Variants in NRXN1 observed in about 807,000 individuals in gnomAD.
NRXN1 encodes neurexin-1.
A neutral mutation model predicts 150.9 loss-of-function variants in NRXN1; 39 were observed. The observed-to-expected ratio is 0.26, with a 90% confidence interval of 0.20 to 0.34. The LOEUF (loss-of-function observed/expected upper bound fraction) is 0.34. Among genes scored for constraint, NRXN1 ranks in the 10% least tolerant of loss-of-function variants. The pLI, the probability that NRXN1 is intolerant of heterozygous loss-of-function variation, is 1.00. For synonymous variants in NRXN1, 924 were observed against 757.0 expected, an observed-to-expected ratio of 1.22 and a Z score of -3.62; for missense variants, 1,815 against 1,949.9, an observed-to-expected ratio of 0.93 and a Z score of 1.30.
rs75350212 is a variant in NRXN1 at position 50,345,478 on chromosome 2, C to T, written c.3365-108508G>A. 6.6e-3 allele frequency among the ~76,000 whole-genome samples: 1,004 copies of T among 152,156 alleles called. 5 individuals are homozygous for T. The highest frequency in any genetic ancestry group is 0.011 in the Non-Finnish European group (721 of 68,024). On this transcript the variant is annotated intron_variant, in intron 17 of 22. Coordinates refer to ENST00000401669, the MANE Select transcript of NRXN1 (RefSeq NM_001330078.2). ...CAAGTCTGAAAGGTGACGGGTCCTG[C>T]AAGAAAGAGGTGGAAAATGGATATA...
intron 5 of NRXN1, among the ~76,000 whole-genome samples, chr2:50,845,653 T>G (rs1418914571): frequency 6.6e-6 from 1 of 152,202 alleles, no homozygotes; most frequent in African/African-American, 2.4e-5. Flanking sequence ...GAGTGGTACC[T>G]GGAATATGGT....
chr2:50,042,653 T>C (rs1691178090), intron 21 of NRXN1, among the ~76,000 whole-genome samples: 1 of 150,936 alleles, frequency 6.6e-6, no homozygotes, highest in Admixed American at 6.7e-5. Context: ...CTAAGTGTCC[T>C]TTTTGTATCA....
intron 15 of NRXN1, among the ~76,000 whole-genome samples, chr2:50,479,707 G>A: frequency 6.7e-6 from 1 of 148,522 alleles, no homozygotes; most frequent in Non-Finnish European, 1.5e-5. Flanking sequence ...CTTTTTACCT[G>A]AGCAATAATG....
Position 50,531,434 on chromosome 2 carries a change from G to T in NRXN1, c.2144-4C>A, listed in dbSNP as rs1340313788. ...TCATAGCTCAAAACCGTTGCCTCTA[G>T]AGATGGAAAATGAATATGATAAGTT... is the stretch of plus-strand genomic sequence containing the variant. On this transcript the variant is annotated splice_region_variant and splice_polypyrimidine_tract_variant and intron_variant, in intron 10 of 22. Transcript: ENST00000401669. 1 of 1,606,496 alleles carries T rather than the reference G, an allele frequency of 6.2e-7. No homozygotes were observed. Among genetic ancestry groups the T allele is most frequent in the African/African-American group, 1.3e-5 (1 of 74,926 alleles).
At chr2:50,385,358 G>C (rs1046820094) in intron 17 of NRXN1, among the ~76,000 whole-genome samples, 1 of 152,176 alleles carries the variant, frequency 6.6e-6, no homozygotes, top group African/African-American at 2.4e-5. Flanking sequence ...TCTCATGTCA[G>C]AGACTAATAG....
chr2:50,214,722 C>G (rs960418359), intron 18 of NRXN1, among the ~76,000 whole-genome samples: 1 of 151,946 alleles, frequency 6.6e-6, no homozygotes, highest in Non-Finnish European at 1.5e-5. Flanking sequence ...ACATATCCTA[C>G]ATTTTATTTT....
chr2:50,865,658 G>GTTTTTTTTTTTTTTTTTTT lies in NRXN1; in HGVS notation c.832+56192_832+56210dup, dbSNP rs71404978. On this transcript the variant is annotated intron_variant, in intron 5 of 22. Coordinates refer to ENST00000401669, the MANE Select transcript of NRXN1 (RefSeq NM_001330078.2). ...AGTAATTCCCAGTAAGCATTTGAAAGTTTTTTTTTTTTTTTTTTTTTTTTT... is the reference window on the plus strand; with the variant it reads ...AGTAATTCCCAGTAAGCATTTGAAAGTTTTTTTTTTTTTTTTTTTTTTTTTTTTTTTTTTTTTTTTTTTT... Among the ~76,000 whole-genome samples the GTTTTTTTTTTTTTTTTTTT allele has an allele frequency of 6.9e-4, 29 of 41,860 alleles. 6 individuals carry two copies. The highest frequency in any genetic ancestry group is 1.2e-3 in the Admixed American group (3 of 2,450). The allele number at this position is 41,860 out of a possible 152,430, so 27.5% of individuals were successfully genotyped here.
chr2:50,217,442 G>C (rs1164227995), intron 18 of NRXN1, among the ~76,000 whole-genome samples: 1 of 151,812 alleles, frequency 6.6e-6, no homozygotes, highest in Non-Finnish European at 1.5e-5. Context: ...AAAAGACAAA[G>C]CTTAAAAAAA....
intron 5 of NRXN1, among the ~76,000 whole-genome samples, chr2:50,635,025 T>A (rs1683021661): frequency 6.6e-6 from 1 of 152,098 alleles, no homozygotes; most frequent in Non-Finnish European, 1.5e-5. Flanking sequence ...GCTGCTCTAA[T>A]CCCCTGGCCC....
At chr2:50,059,086 A>C (rs1694087328) in intron 19 of NRXN1, among the ~76,000 whole-genome samples, 1 of 152,182 alleles carries the variant, frequency 6.6e-6, no homozygotes, top group South Asian at 2.1e-4. Flanking sequence ...CAGTTTGGAG[A>C]GCTCAGACAA....
intron 18 of NRXN1, among the ~76,000 whole-genome samples, chr2:50,097,679 G>T (rs1159339205): frequency 2.1e-5 from 3 of 146,188 alleles, no homozygotes; most frequent in South Asian, 2.2e-4. Context: ...CACTCTTATT[G>T]CCCAGGCTGG....
chr2:50,391,908 A>T (rs924850699), intron 17 of NRXN1, among the ~76,000 whole-genome samples: 1 of 152,166 alleles, frequency 6.6e-6, no homozygotes, highest in African/African-American at 2.4e-5. Flanking sequence ...TTCATTTAGT[A>T]ATCTATGTTT....
At chr2:50,872,617 A>C (rs1677957454) in intron 5 of NRXN1, among the ~76,000 whole-genome samples, 1 of 151,650 alleles carries the variant, frequency 6.6e-6, no homozygotes, top group South Asian at 2.1e-4. Context: ...TAAAATAAAA[A>C]TAAAATAAAA....
At chr2:50,070,629 G>T (rs1696116137) in intron 19 of NRXN1, among the ~76,000 whole-genome samples, 2 of 151,744 alleles carry the variant, frequency 1.3e-5, no homozygotes, top group Non-Finnish European at 1.5e-5. Flanking sequence ...AATTATCCGG[G>T]CGTAGTGGCG....
chr2:50,719,196 C>T (rs1696287591), intron 5 of NRXN1, among the ~76,000 whole-genome samples: 2 of 151,616 alleles, frequency 1.3e-5, no homozygotes, highest in Admixed American at 1.3e-4. Context: ...GTCTTCATCC[C>T]TCAACTATTA....
chr2:50,845,556 C>T (rs1335261526), intron 5 of NRXN1, among the ~76,000 whole-genome samples: 3 of 152,202 alleles, frequency 2.0e-5, no homozygotes, highest in Non-Finnish European at 4.4e-5. Flanking sequence ...CATTTATTCA[C>T]TTGTTAACTC....
chr2:50,474,548 C>G (rs1238335755), intron 15 of NRXN1, among the ~76,000 whole-genome samples: 3 of 151,556 alleles, frequency 2.0e-5, no homozygotes, highest in Non-Finnish European at 4.4e-5. Flanking sequence ...TAAGAGGGAG[C>G]AGTGAGAGCT....
At chr2:50,281,716 G>A (rs554105321) in intron 17 of NRXN1, among the ~76,000 whole-genome samples, 7 of 152,024 alleles carry the variant, frequency 4.6e-5, no homozygotes, top group Non-Finnish European at 1.0e-4. Flanking sequence ...AGTAAGGATC[G>A]CAAAAATGAG....
chr2:50,709,356 C>A (rs1694846102), intron 5 of NRXN1, among the ~76,000 whole-genome samples: 1 of 151,960 alleles, frequency 6.6e-6, no homozygotes. Context: ...CAAAAATTAC[C>A]AACAATTATG....
Sources: gnomAD v4.1 joint callset for allele counts (sites outside exome capture counted in the v4.1 genomes callset) on GRCh38, gnomAD v4.1.1 for gene constraint, MANE v1.5 for transcripts, NCBI Gene and HGNC (gene_info 2026-07-23, HGNC 2026-07-21) for gene names.